Variants in FGF14 observed in about 807,000 individuals in gnomAD.
FGF14 encodes the protein fibroblast growth factor homologous factor 4.
Under a neutral mutation model 25.5 loss-of-function variants are expected in FGF14, and 5 were observed. The ratio of observed to expected loss-of-function variants is 0.20; its 90% CI spans 0.10 to 0.41. The LOEUF (loss-of-function observed/expected upper bound fraction) is 0.41. FGF14 is among the 10% of genes least tolerant of loss of function. The pLI, the probability that FGF14 is intolerant of heterozygous loss-of-function variation, is 1.00. For synonymous variants in FGF14, 138 were observed against 118.3 expected (o/e 1.17, Z -1.08); for missense variants, 222 against 320.1 (o/e 0.69, Z 2.34).
intron 1 of FGF14, among the ~76,000 whole-genome samples, chr13:102,214,159 G>A (rs1013664133): frequency 1.3e-5 from 2 of 152,222 alleles, no homozygotes; most frequent in African/African-American, 4.8e-5. Flanking sequence ...ACTTGAGTTG[G>A]CTGCACTTGC....
At chr13:102,379,625 G>A (rs941467929) in intron 1 of FGF14, among the ~76,000 whole-genome samples, 1 of 151,932 alleles carries the variant, frequency 6.6e-6, no homozygotes, top group Non-Finnish European at 1.5e-5. Flanking sequence ...AATGTAACAC[G>A]TGCATATAGA....
chr13:101,990,252 C>T (rs2139666930), intron 1 of FGF14, among the ~76,000 whole-genome samples: 1 of 152,180 alleles, frequency 6.6e-6, no homozygotes, highest in African/African-American at 2.4e-5. Context: ...CACTTTTGGC[C>T]TCACAATTCC....
chr13:102,379,722 C>T (rs967748551), intron 1 of FGF14, among the ~76,000 whole-genome samples: 12 of 152,150 alleles, frequency 7.9e-5, no homozygotes, highest in South Asian at 2.1e-4. Flanking sequence ...ACTTATCTAA[C>T]GAGTAAACAA....
intron 1 of FGF14, among the ~76,000 whole-genome samples, chr13:102,123,513 G>T (rs1440629044): frequency 6.6e-6 from 1 of 152,054 alleles, no homozygotes; most frequent in Non-Finnish European, 1.5e-5. Context: ...ATATCAAGGG[G>T]TGGACAAAAA....
Position 101,893,170 on chromosome 13 carries a change from G to C in FGF14, c.194-17874C>G, listed in dbSNP as rs1322696. Among the ~76,000 whole-genome samples, 825 of 152,056 alleles carry C rather than the reference G, an allele frequency of 5.4e-3. 4 individuals carry two copies. The highest frequency in any genetic ancestry group is 8.8e-3 in the Non-Finnish European group (599 of 67,992). On this transcript the variant is annotated intron_variant, in intron 1 of 4. Coordinates refer to ENST00000376143, the MANE Select transcript of FGF14 (RefSeq NM_004115.4). ...ATTTTAATAGAGGCTTGTTCTCTGC[G>C]TGGGCTGCCTGCTATTGAAAGCCAG...
chr13:102,164,014 G>T (rs1022177143), intron 1 of FGF14, among the ~76,000 whole-genome samples: 2 of 152,144 alleles, frequency 1.3e-5, no homozygotes, highest in African/African-American at 4.8e-5. Flanking sequence ...CATGCAGGAA[G>T]ACCATGTCCT....
At chr13:101,783,799 TCA>T (rs1215846232) in intron 3 of FGF14, among the ~76,000 whole-genome samples, 3 of 152,236 alleles carry the variant, frequency 2.0e-5, no homozygotes, top group African/African-American at 4.8e-5. Context: ...TCTTTGGTTT[TCA>T]CAGTTTTGCA....
chr13:102,170,768 T>C (rs2140673677), intron 1 of FGF14, among the ~76,000 whole-genome samples: 1 of 152,314 alleles, frequency 6.6e-6, no homozygotes, highest in South Asian at 2.1e-4. Flanking sequence ...GTAAACCCTT[T>C]TCATGGCAGA....
At position 101,916,332 on chromosome 13, in the gene FGF14, A is replaced by G. The variant is rs556673891; in HGVS notation, c.193+121T>C. On this transcript the variant is annotated intron_variant, in intron 1 of 4. Coordinates refer to ENST00000376143, the MANE Select transcript of FGF14 (RefSeq NM_004115.4). ...CCGCGACGGCACCCAGAGTGCTCAG[A>G]AGGGAGGCCGGGGCCGGGGTGGGCC... 1.9e-4 allele frequency: 231 copies of G among 1,246,402 alleles called. 1 individual carries two copies. In the African/African-American group the frequency reaches 2.9e-3, roughly 16 times the overall value. The allele number at this position is 1,246,402 out of a possible 1,614,324, so 77.2% of individuals were successfully genotyped here.
intron 1 of FGF14, among the ~76,000 whole-genome samples, chr13:102,371,692 C>T (rs1036241696): frequency 6.6e-6 from 1 of 151,622 alleles, no homozygotes; most frequent in Non-Finnish European, 1.5e-5. Context: ...ATCGATGTGC[C>T]AAGAATATTA....
chr13:102,313,783 C>A (rs748590823), intron 1 of FGF14, among the ~76,000 whole-genome samples: 20 of 152,148 alleles, frequency 1.3e-4, no homozygotes, highest in Non-Finnish European at 2.6e-4. Context: ...TATGGAAAAT[C>A]ATTCAGGCAT....
chr13:101,817,388 A>G (rs2041896751), intron 3 of FGF14, among the ~76,000 whole-genome samples: 1 of 152,192 alleles, frequency 6.6e-6, no homozygotes, highest in Non-Finnish European at 1.5e-5. Context: ...TAAATACAAA[A>G]TTTGCTCTAA....
intron 1 of FGF14, among the ~76,000 whole-genome samples, chr13:101,905,208 T>C (rs2032085500): frequency 1.3e-5 from 2 of 152,144 alleles, no homozygotes; most frequent in Admixed American, 6.6e-5. Context: ...CATCATGTTC[T>C]CTCAGAGGAT....
intron 3 of FGF14, among the ~76,000 whole-genome samples, chr13:101,866,287 T>A (rs2044702413): frequency 6.6e-6 from 1 of 152,076 alleles, no homozygotes; most frequent in South Asian, 2.1e-4. Flanking sequence ...AACTTCTTGT[T>A]AGAAAAGGTG....
intron 1 of FGF14, among the ~76,000 whole-genome samples, chr13:102,106,442 T>G (rs2044919525): frequency 6.6e-6 from 1 of 151,818 alleles, no homozygotes; most frequent in Non-Finnish European, 1.5e-5. Flanking sequence ...GGCACGGTGG[T>G]GGATGCCTGT....
In FGF14 at chr13:102,334,937, A is replaced by C. The variant is rs368007717; in HGVS notation, c.208+66534T>G. Among the ~76,000 whole-genome samples, 10 of 152,232 alleles carry C rather than the reference A, an allele frequency of 6.6e-5. No individual in the cohort carries two copies. The East Asian group carries it at 1.4e-3, about 21-fold the overall frequency. On this transcript the variant is annotated intron_variant, in intron 1 of 4. Coordinates refer to the FGF14 transcript ENST00000376131. Reference sequence around the variant, plus strand: ...AAGAAAGGACCTGTTTTCAATCCACAGTAAGACCCCAAGTGACCAAGCAGA... The same window carrying C: ...AAGAAAGGACCTGTTTTCAATCCACCGTAAGACCCCAAGTGACCAAGCAGA...
At chr13:101,781,867 ATGTT>A (rs1594227040) in intron 3 of FGF14, among the ~76,000 whole-genome samples, 1 of 152,270 alleles carries the variant, frequency 6.6e-6, no homozygotes, top group East Asian at 1.9e-4. Context: ...AATTAAATGA[ATGTT>A]TATATAAGCA....
intron 1 of FGF14, among the ~76,000 whole-genome samples, chr13:102,302,690 C>G (rs1053785122): frequency 1.3e-5 from 2 of 152,172 alleles, no homozygotes; most frequent in Non-Finnish European, 2.9e-5. Context: ...ATAACTCTCT[C>G]TGCCCAGTTG....
chr13:101,876,272 G>C (rs918437466), intron 1 of FGF14, among the ~76,000 whole-genome samples: 3 of 152,176 alleles, frequency 2.0e-5, no homozygotes, highest in East Asian at 3.8e-4. Flanking sequence ...GGGATAGATT[G>C]GATGTGGGAC....
Sources: gnomAD v4.1 joint callset for allele counts (sites outside exome capture counted in the v4.1 genomes callset) on GRCh38, gnomAD v4.1.1 for gene constraint, MANE v1.5 for transcripts, NCBI Gene and HGNC (gene_info 2026-07-23, HGNC 2026-07-21) for gene names.